ABHD2: variants seen among roughly 807,000 people sequenced by gnomAD.
ABHD2 encodes the protein abhydrolase domain containing 2, acylglycerol lipase.
A neutral mutation model predicts 48.1 loss-of-function variants in ABHD2; 20 were observed. That is an observed-to-expected ratio of 0.42 (90% CI 0.29 to 0.60). The LOEUF (loss-of-function observed/expected upper bound fraction) is 0.60. Ranked by LOEUF, ABHD2 falls within the 20% of genes least tolerant of loss-of-function variation. The probability of loss-of-function intolerance (pLI) is 0.24; values close to 1 mark genes in which losing one functional copy is unlikely to be tolerated. For missense variants in ABHD2, 405 were observed against 550.9 expected (o/e 0.74, Z 2.65); for synonymous variants, 209 against 214.2 (o/e 0.98, Z 0.21).
chr15:89,073,358 C>T, the ABHD2 span, among the ~76,000 whole-genome samples: 8 of 152,130 alleles, frequency 5.3e-5, no homozygotes, highest in African/African-American at 1.4e-4. Flanking sequence ...TGCAGTGGTA[C>T]GATCTTGGCT....
chr15:89,062,745 G>A, the ABHD2 span, among the ~76,000 whole-genome samples: 1 of 152,044 alleles, frequency 6.6e-6, no homozygotes, highest in Non-Finnish European at 1.5e-5. Flanking sequence ...GTGGTTCTAA[G>A]ACTAGCAATA....
At chr15:89,161,536 G>A (rs927738415) in intron 5 of ABHD2, among the ~76,000 whole-genome samples, 1 of 152,138 alleles carries the variant, frequency 6.6e-6, no homozygotes, top group Non-Finnish European at 1.5e-5. Context: ...TAGTAGCTGG[G>A]ATTATAAGCA....
rs1044170 is a variant in ABHD2, at chr15:89,201,741, A to G, written c.*6318A>G. Reference sequence around the variant, plus strand: ...GAAGGGGCCTTTGAATTTGAGGTCTATGGGCGGGTCGAGGACCAGGATCTG... The same window carrying G: ...GAAGGGGCCTTTGAATTTGAGGTCTGTGGGCGGGTCGAGGACCAGGATCTG... On this transcript the variant is annotated 3_prime_UTR_variant, in exon 11 of 11. Coordinates refer to ENST00000352732, the MANE Select transcript of ABHD2 (RefSeq NM_152924.5). 14 of 1,579,108 alleles carry G rather than the reference A, an allele frequency of 8.9e-6. No homozygotes were observed. Among genetic ancestry groups the G allele is most frequent in the Middle Eastern group, 1.7e-4 (1 of 5,970 alleles).
intron 1 of ABHD2, among the ~76,000 whole-genome samples, chr15:89,103,185 A>G (rs942728364): frequency 3.9e-5 from 6 of 152,208 alleles, no homozygotes; most frequent in African/African-American, 7.2e-5. Flanking sequence ...TTGGGGACCA[A>G]TTCTCATCCT....
Position 89,201,484 on chromosome 15 carries a change from T to G in ABHD2, c.*6061T>G. ...TGCCTCATTCCACACAGCTTCCATA[T>G]CTGAAGTGTTTAGTGGAGCAAAAAT... On this transcript the variant is annotated 3_prime_UTR_variant, in exon 11 of 11. Transcript: ENST00000352732. 1 of 1,552,610 alleles carries G rather than the reference T, an allele frequency of 6.4e-7. No homozygotes were observed. The highest frequency in any genetic ancestry group is 1.7e-4 in the Middle Eastern group (1 of 5,936).
Position 89,155,632 on chromosome 15 carries a change from C to T in ABHD2, c.538+98C>T, listed in dbSNP as rs550337716. 3.5e-6 allele frequency: 5 copies of T among 1,438,032 alleles called. 1 individual carries two copies. Among genetic ancestry groups the T allele is most frequent in the Non-Finnish European group, 4.7e-6 (5 of 1,064,090 alleles). The allele number at this position is 1,438,032 out of a possible 1,614,324, so 89.1% of individuals were successfully genotyped here. ...CTTTTTTTAAGTTTTAAACCTATGC[C>T]CATCTGCAAGAGATGGTAGGTCACA... is the stretch of plus-strand genomic sequence containing the variant. On this transcript the variant is annotated intron_variant, in intron 5 of 10. Transcript: ENST00000352732. The surrounding 1 kb of genome is among the most constrained non-coding windows in gnomAD (Gnocchi z 4.9).
chr15:89,078,725 C>CTTTTTTTTTTTTTTTTTTT, the ABHD2 span, among the ~76,000 whole-genome samples: 2 of 143,678 alleles, frequency 1.4e-5, no homozygotes, highest in African/African-American at 2.6e-5. Context: ...ACAATGTAGG[C>CTTTTTTTTTTTTTTTTTTT]TTTTTTTTTT....
At chr15:89,059,221 G>A in the ABHD2 span, among the ~76,000 whole-genome samples, 1 of 152,136 alleles carries the variant, frequency 6.6e-6, no homozygotes, top group Non-Finnish European at 1.5e-5. Flanking sequence ...ATGCCCATAT[G>A]CCAGGGGATC....
chr15:89,071,568 C>T, the ABHD2 span, among the ~76,000 whole-genome samples: 1 of 152,204 alleles, frequency 6.6e-6, no homozygotes, highest in Non-Finnish European at 1.5e-5. Context: ...CTCCCCTTAA[C>T]AACCTTCACC....
chr15:89,041,916 G>T, the ABHD2 span, among the ~76,000 whole-genome samples: 1 of 152,204 alleles, frequency 6.6e-6, no homozygotes, highest in Non-Finnish European at 1.5e-5. Flanking sequence ...GCATAGCTGA[G>T]GTCAAACATC....
chr15:89,067,817 A>G, the ABHD2 span, among the ~76,000 whole-genome samples: 2 of 152,138 alleles, frequency 1.3e-5, no homozygotes, highest in Non-Finnish European at 2.9e-5. Context: ...CTGGGCTCTG[A>G]GAGTCCAAAC....
chr15:89,131,963 G>C (rs1197370589), intron 3 of ABHD2, among the ~76,000 whole-genome samples: 1 of 152,052 alleles, frequency 6.6e-6, no homozygotes, highest in Non-Finnish European at 1.5e-5. Flanking sequence ...GACTAAAGGA[G>C]TTAAGAATAG....
intron 5 of ABHD2, among the ~76,000 whole-genome samples, chr15:89,160,450 T>C (rs1032443567): frequency 3.3e-5 from 5 of 152,150 alleles, no homozygotes; most frequent in Admixed American, 1.3e-4. Flanking sequence ...GTACCAACCC[T>C]GACTCATGGC....
intron 5 of ABHD2, among the ~76,000 whole-genome samples, chr15:89,169,164 T>C (rs1464449750): frequency 2.0e-5 from 3 of 152,150 alleles, no homozygotes; most frequent in Non-Finnish European, 4.4e-5. Context: ...AATTGAAGCA[T>C]AAATCTCTGG....
intron 6 of ABHD2, among the ~76,000 whole-genome samples, chr15:89,180,438 C>T (rs2051090481): frequency 6.6e-6 from 1 of 152,208 alleles, no homozygotes; most frequent in African/African-American, 2.4e-5. Flanking sequence ...ATCCTTCCAC[C>T]CCAGTGGAAC....
chr15:89,201,801 A>G lies in ABHD2; in HGVS notation c.*6378A>G. ...CGCCGTGGCCCCGGAGGCAGACGCC[A>G]TTGGAGAGACAGCGCAGAGCAGGGG... On this transcript the variant is annotated 3_prime_UTR_variant, in exon 11 of 11. Coordinates refer to ENST00000352732, the MANE Select transcript of ABHD2 (RefSeq NM_152924.5). 1.4e-6 allele frequency: 2 copies of G among 1,380,068 alleles called. No homozygotes were observed. Among genetic ancestry groups the G allele is most frequent in the East Asian group, 2.3e-5 (1 of 43,700 alleles). 85.5% of individuals were successfully genotyped at this position (1,380,068 alleles called of 1,614,324 possible).
intron 3 of ABHD2, among the ~76,000 whole-genome samples, chr15:89,147,390 T>G (rs2050511260): frequency 6.8e-6 from 1 of 147,758 alleles, no homozygotes; most frequent in Admixed American, 6.7e-5. Flanking sequence ...GTCTCGCTCT[T>G]TCGCCCAGGC....
intron 3 of ABHD2, among the ~76,000 whole-genome samples, chr15:89,144,923 G>T (rs1230471942): frequency 6.6e-6 from 1 of 152,206 alleles, no homozygotes. Context: ...TTGACCAGGA[G>T]TCTTAGAAAC....
the ABHD2 span, among the ~76,000 whole-genome samples, chr15:89,057,017 G>T: frequency 6.7e-6 from 1 of 148,550 alleles, no homozygotes; most frequent in East Asian, 2.0e-4. Context: ...GGGTTCAAGC[G>T]ATTCTCCTGC....
Sources: gnomAD v4.1 joint callset for allele counts (sites outside exome capture counted in the v4.1 genomes callset) on GRCh38, gnomAD v4.1.1 for gene constraint, Gnocchi (gnomAD v3.1) non-coding constraint, MANE v1.5 for transcripts, NCBI Gene and HGNC (gene_info 2026-07-23, HGNC 2026-07-21) for gene names.